The following ZNF737 variants were observed in gnomAD, a reference collection of about 807,000 sequenced individuals.
The protein encoded by ZNF737 is zinc finger protein 102 (Y3).
Under a neutral mutation model 11.7 loss-of-function variants are expected in ZNF737, and 13 were observed. That is an observed-to-expected ratio of 1.11 (90% CI 0.73 to 1.77). ZNF737 has a LOEUF of 1.77. ZNF737 is among the 40% of genes most tolerant of loss of function. ZNF737 has a pLI of 0.00. For synonymous variants in ZNF737, 217 were observed against 216.2 expected (o/e 1.00, Z -0.03); for missense variants, 636 against 638.0 (o/e 1.00, Z 0.03).
Position 20,538,593 on chromosome 19 carries a change from T to C in ZNF737, c.*5999A>G. 6.2e-6 allele frequency: 6 copies of C among 967,064 alleles called. No homozygotes were observed. The highest frequency in any genetic ancestry group is 7.4e-6 in the Non-Finnish European group (6 of 813,280). The allele number at this position is 967,064 out of a possible 1,614,324, so 59.9% of individuals were successfully genotyped here. A position where few individuals can be genotyped will look rare whatever the true frequency, so the allele number is the denominator to read the frequency against. On this transcript the variant is annotated 3_prime_UTR_variant, in exon 4 of 4. Transcript: ENST00000427401. ...AATGGCCTTGCTAAGAAAAATTAAA[T>C]TTATTTTCAAGTGCTATTTCTTTAC...
chr19:20,562,137 C>A (rs1280035951), intron 1 of ZNF737, among the ~76,000 whole-genome samples: 1 of 152,094 alleles, frequency 6.6e-6, no homozygotes, highest in Non-Finnish European at 1.5e-5. Context: ...ACACACACTG[C>A]ACATTTTCTC....
At position 20,544,844 on chromosome 19, in the gene ZNF737, G is replaced by A; in HGVS notation, c.1359C>T (p.Tyr453=). The A allele has an allele frequency of 6.2e-7, 1 of 1,613,786 alleles. No homozygotes were observed. Among genetic ancestry groups the A allele is most frequent in the South Asian group, 1.1e-5 (1 of 91,038 alleles). ...AGGCTTTGCCACATTCTTCACATTT[G>A]TAGGGTTTCTCTCCAGTATGAATTC... ...HKRIHTGEKP[Y]KCEECGKAFN... is the part of the protein sequence containing the mutation. Residue 453 remains tyrosine (Y), a synonymous_variant, in exon 4 of 4, where the codon TAC becomes TAT. Transcript: ENST00000427401.
At chr19:20,561,385 C>T (rs1555762419) in intron 1 of ZNF737, among the ~76,000 whole-genome samples, 3 of 152,104 alleles carry the variant, frequency 2.0e-5, no homozygotes, top group Non-Finnish European at 4.4e-5. Context: ...GTGGACATGT[C>T]AATGTCTAGT....
At chr19:20,533,131 A>G (rs1967869932), downstream of ZNF737, among the ~76,000 whole-genome samples, 1 of 150,248 alleles carries the variant, frequency 6.7e-6, no homozygotes, top group African/African-American at 2.5e-5. Context: ...CTGACATGGC[A>G]GTAAATAACT....
chr19:20,536,010 A>T, downstream of ZNF737: 1 of 884,162 alleles, frequency 1.1e-6, no homozygotes, highest in Non-Finnish European at 1.4e-6. Context: ...CCTGTTCTTC[A>T]GCCAATGGAT....
In ZNF737 at chr19:20,545,677, T is replaced by C. The variant is rs782226892; in HGVS notation, c.526A>G (p.Ile176Val). ...TGGTTAAAAGCTTTGCCACATTCTA[T>C]ACATTTGAAAGGTTTTTTTCCAGTA... ...RHTGKKPFKC[I>V]ECGKAFNQSS... Residue 176 changes from isoleucine to valine, a missense_variant, in exon 4 of 4, where the codon ATA (isoleucine) becomes GTA (valine). By Grantham distance (29) the Ile-to-Val change is conservative. Coordinates refer to ENST00000427401, the MANE Select transcript of ZNF737 (RefSeq NM_001159293.2). 2.5e-6 allele frequency: 4 copies of C among 1,613,752 alleles called. No homozygotes were observed. The highest frequency in any genetic ancestry group is 2.2e-5 in the East Asian group (1 of 44,848).
chr19:20,541,510 G>T lies in ZNF737; in HGVS notation c.*3082C>A. 1.6e-6 allele frequency: 1 copy of T among 633,922 alleles called. No individual in the cohort carries two copies. The highest frequency in any genetic ancestry group is 2.0e-5 in the African/African-American group (1 of 50,338). The allele number at this position is 633,922 out of a possible 1,614,324, so 39.3% of individuals were successfully genotyped here. On this transcript the variant is annotated 3_prime_UTR_variant, in exon 4 of 4. Coordinates refer to ENST00000427401, the MANE Select transcript of ZNF737 (RefSeq NM_001159293.2). ...CAGCCAGGCTGGAGTGCAGTGGCAT[G>T]ATCTCAGCTCACTGCAACCTCTGCC... is the stretch of plus-strand genomic sequence containing the variant.
chr19:20,533,136 A>C (rs1277132022), downstream of ZNF737, among the ~76,000 whole-genome samples: 1 of 150,176 alleles, frequency 6.7e-6, no homozygotes, highest in Non-Finnish European at 1.5e-5. Context: ...ATGGCAGTAA[A>C]TAACTCCAAA....
intron 1 of ZNF737, among the ~76,000 whole-genome samples, chr19:20,558,552 T>C (rs1204288034): frequency 6.6e-6 from 1 of 152,170 alleles, no homozygotes; most frequent in Non-Finnish European, 1.5e-5. Flanking sequence ...AGTTTATCCA[T>C]TTGGGTCTCC....
intron 3 of ZNF737, among the ~76,000 whole-genome samples, chr19:20,546,297 A>C (rs1390093396): frequency 6.6e-6 from 1 of 152,216 alleles, no homozygotes; most frequent in African/African-American, 2.4e-5. Flanking sequence ...TTGTGCCTTT[A>C]AAAGTAAATT....
chr19:20,543,562 G>T lies in ZNF737; in HGVS notation c.*1030C>A. ...TGTACAATTTTTCTCAAGGATACTA[G>T]CTTTTCTGTGAGATAAGGTGTAAGA... is the stretch of plus-strand genomic sequence containing the variant. On this transcript the variant is annotated 3_prime_UTR_variant, in exon 4 of 4. Transcript: ENST00000427401. The T allele has an allele frequency of 1.0e-6, 1 of 985,322 alleles. No individual in the cohort carries two copies. Among genetic ancestry groups the T allele is most frequent in the Non-Finnish European group, 1.2e-6 (1 of 829,894 alleles). 61.0% of individuals were successfully genotyped at this position (985,322 alleles called of 1,614,324 possible). A position where few individuals can be genotyped will look rare whatever the true frequency, so the allele number is the denominator to read the frequency against.
At chr19:20,564,937 A>ATT (rs1329314990) in intron 1 of ZNF737, among the ~76,000 whole-genome samples, 3 of 73,842 alleles carry the variant, frequency 4.1e-5, no homozygotes, top group Non-Finnish European at 6.6e-5. Flanking sequence ...CATAACCAGG[A>ATT]ATTTTTTTTT....
At position 20,544,676 on chromosome 19, in the gene ZNF737, G is replaced by C. The variant is rs1279690980; in HGVS notation, c.1527C>G (p.Tyr509Ter). The change falls in exon 4 of 4, where the codon TAC becomes TAG. Residue 509 changes from tyrosine (Y) to a stop codon, truncating the protein, a stop_gained. Transcript: ENST00000427401. LOFTEE classifies it low-confidence loss of function (END_TRUNC). ...HKRIHTGEKP[Y>*]KCEECGKGFK... ...AGCCTTTGCCACATTCTTCACATTT[G>C]TAGGGTTTCTCTCCAGTATGAATTC... 6.2e-7 allele frequency: 1 copy of C among 1,606,672 alleles called. No homozygotes were observed. Among genetic ancestry groups the C allele is most frequent in the Non-Finnish European group, 8.5e-7 (1 of 1,177,466 alleles).
chr19:20,540,921 G>A lies in ZNF737; in HGVS notation c.*3671C>T. The stretch of plus-strand genomic sequence containing the variant: ...CCATTTATACATTCACACACACATA[G>A]AACAATAAAAATATATCCAATTATT... On this transcript the variant is annotated 3_prime_UTR_variant, in exon 4 of 4. Transcript: ENST00000427401. The A allele has an allele frequency of 1.0e-6, 1 of 969,630 alleles. No individual in the cohort carries two copies. Among genetic ancestry groups the A allele is most frequent in the Non-Finnish European group, 1.2e-6 (1 of 815,780 alleles). The allele number at this position is 969,630 out of a possible 1,614,324, so 60.1% of individuals were successfully genotyped here.
At position 20,544,878 on chromosome 19, in the gene ZNF737, G is replaced by A; in HGVS notation, c.1325C>T (p.Thr442Ile). 6.2e-7 allele frequency: 1 copy of A among 1,612,878 alleles called. No individual in the cohort carries two copies. Among genetic ancestry groups the A allele is most frequent in the Non-Finnish European group, 8.5e-7 (1 of 1,179,650 alleles). ...KAFKCFSILT[T>I]HKRIHTGEKP... ...CTCTCCAGTATGAATTCTCTTATGT[G>A]TAGTAAGGATAGAGAAGCACTTAAA... Residue 442 changes from threonine to isoleucine, a missense_variant, in exon 4 of 4, where the codon ACA (threonine) becomes ATA (isoleucine). Thr to Ile is a moderately conservative substitution (Grantham distance 89). Transcript: ENST00000427401.
At chr19:20,537,701 G>C (rs1282185572), downstream of ZNF737, among the ~76,000 whole-genome samples, 2 of 151,008 alleles carry the variant, frequency 1.3e-5, no homozygotes, top group African/African-American at 4.9e-5. Flanking sequence ...ATTTTTAGTA[G>C]AGATGGGGTT....
chr19:20,564,460 C>T (rs1969219831), intron 1 of ZNF737, among the ~76,000 whole-genome samples: 1 of 151,890 alleles, frequency 6.6e-6, no homozygotes, highest in African/African-American at 2.4e-5. Flanking sequence ...ACTAGCATTC[C>T]TGGCTAACAT....
chr19:20,540,611 T>C lies in ZNF737; in HGVS notation c.*3981A>G, dbSNP rs554879510. 1.5e-3 allele frequency: 263 copies of C among 171,218 alleles called. No individual in the cohort carries two copies. Among genetic ancestry groups the C allele is most frequent in the African/African-American group, 6.0e-3 (251 of 41,840 alleles). The allele number at this position is 171,218 out of a possible 1,614,324, so 10.6% of individuals were successfully genotyped here. A position where few individuals can be genotyped will look rare whatever the true frequency, so the allele number is the denominator to read the frequency against. Reference sequence around the variant, plus strand: ...CTGTCTCTACTAAAAATACAAAAATTAGTCAGACGTGGTGGTGCATGCCTG... The same window carrying C: ...CTGTCTCTACTAAAAATACAAAAATCAGTCAGACGTGGTGGTGCATGCCTG... On this transcript the variant is annotated 3_prime_UTR_variant, in exon 4 of 4. Coordinates refer to ENST00000427401, the MANE Select transcript of ZNF737 (RefSeq NM_001159293.2).
At position 20,549,777 on chromosome 19, in the gene ZNF737, A is replaced by G. The variant is rs183313925; in HGVS notation, c.226+2698T>C. 2.8e-3 allele frequency among the ~76,000 whole-genome samples: 428 copies of G among 152,004 alleles called. 3 individuals are homozygous for G. The highest frequency in any genetic ancestry group is 0.01 in the African/African-American group (416 of 41,410). The stretch of plus-strand genomic sequence containing the variant: ...AAGCCCCATCTCTACTAAAAATACA[A>G]AAATTAGCTGGGGACGGTGACACAC... On this transcript the variant is annotated intron_variant, in intron 3 of 3. Coordinates refer to ENST00000427401, the MANE Select transcript of ZNF737 (RefSeq NM_001159293.2).
Sources: allele counts gnomAD v4.1 joint callset (sites outside exome capture counted in the v4.1 genomes callset), GRCh38; gene constraint gnomAD v4.1.1; transcripts MANE v1.5; gene names NCBI Gene and HGNC (gene_info 2026-07-23, HGNC 2026-07-21).